STXBP5L: variants seen among roughly 807,000 people sequenced by gnomAD.
The protein encoded by STXBP5L is syntaxin-binding protein 5-like.
A neutral mutation model predicts 144.5 loss-of-function variants in STXBP5L; 65 were observed. That is an observed-to-expected ratio of 0.45 (90% confidence interval 0.37 to 0.55). The LOEUF is 0.55. Among genes scored for constraint, STXBP5L ranks in the 20% least tolerant of loss-of-function variants. The pLI, the probability that STXBP5L is intolerant of heterozygous loss-of-function variation, is 0.00. For synonymous variants in STXBP5L, 505 were observed against 469.6 expected (o/e 1.08, Z -0.97); for missense variants, 1,298 against 1,405.5 (o/e 0.92, Z 1.22).
intron 20 of STXBP5L, among the ~76,000 whole-genome samples, chr3:121,335,268 A>G (rs529186028): frequency 1.3e-5 from 2 of 152,254 alleles, no homozygotes; most frequent in East Asian, 1.9e-4. Flanking sequence ...AAAGATCTCT[A>G]CAATGAAATT....
rs182345874 is a variant in STXBP5L at position 121,311,198 on chromosome 3, A to T, written c.2111-7277A>T. Among the ~76,000 whole-genome samples the T allele has an allele frequency of 5.9e-5, 9 of 152,312 alleles. No individual in the cohort carries two copies. In the East Asian group the frequency reaches 1.7e-3, roughly 29 times the overall value. The stretch of plus-strand genomic sequence containing the variant: ...TACTACTATGACCAGAAGGACTAAG[A>T]TTTTAAGAGACTATTACCTAGTGTT... On this transcript the variant is annotated intron_variant, in intron 19 of 26. Coordinates refer to ENST00000471454, the MANE Select transcript of STXBP5L (RefSeq NM_001308330.2).
At chr3:121,141,875 C>T (rs2045522235) in intron 7 of STXBP5L, among the ~76,000 whole-genome samples, 1 of 151,920 alleles carries the variant, frequency 6.6e-6, no homozygotes, top group African/African-American at 2.4e-5. Flanking sequence ...CAGAAAACAA[C>T]TAACAAAATG....
In STXBP5L at chr3:121,420,414, A is replaced by T. The variant is rs1200467951; in HGVS notation, c.*1317A>T. 22 of 152,158 alleles carry T rather than the reference A, an allele frequency of 1.4e-4. No homozygotes were observed. The allele number at this position is 152,158 out of a possible 1,614,324, so 9.4% of individuals were successfully genotyped here. On this transcript the variant is annotated 3_prime_UTR_variant, in exon 27 of 27. Coordinates refer to ENST00000471454, the MANE Select transcript of STXBP5L (RefSeq NM_001308330.2). ...AATGCTTTTGTCCCTAGGTCAAATA[A>T]TATAAGCCACTAGATTATGTCAATA...
chr3:121,026,288 G>T (rs1370783553), intron 3 of STXBP5L, among the ~76,000 whole-genome samples: 1 of 151,692 alleles, frequency 6.6e-6, no homozygotes, highest in African/African-American at 2.4e-5. Flanking sequence ...AGATCACCTG[G>T]ATTATTGCCT....
rs546388947 is a variant in STXBP5L, at chr3:121,029,846, C to A, written c.288-11854C>A. ...AAACAAATTTACAAGAAAAAAAAAA[C>A]CCCATGAAAAAGTGGGCAAAGGATA... On this transcript the variant is annotated intron_variant, in intron 3 of 26. Coordinates refer to ENST00000471454, the MANE Select transcript of STXBP5L (RefSeq NM_001308330.2). Among the ~76,000 whole-genome samples the A allele has an allele frequency of 4.1e-4, 62 of 150,678 alleles. No individual in the cohort carries two copies. In the East Asian group the frequency reaches 4.7e-3, roughly 11 times the overall value.
At chr3:120,998,090 A>T (rs1384454439) in intron 3 of STXBP5L, among the ~76,000 whole-genome samples, 1 of 152,178 alleles carries the variant, frequency 6.6e-6, no homozygotes, top group East Asian at 1.9e-4. Flanking sequence ...CTTCAAAATA[A>T]TTAGTGCCGT....
chr3:121,282,441 A>AC, intron 19 of STXBP5L: 1 of 1,045,916 alleles, frequency 9.6e-7, no homozygotes, highest in Non-Finnish European at 1.4e-6. Context: ...CACATTCAGC[A>AC]TGCATGCAAA....
chr3:120,966,918 A>G (rs545928885), intron 3 of STXBP5L, among the ~76,000 whole-genome samples: 166 of 152,262 alleles, frequency 1.1e-3, no homozygotes, highest in Non-Finnish European at 1.2e-3. Context: ...TGGATTCTAG[A>G]GGCAGTAGAG....
intron 3 of STXBP5L, among the ~76,000 whole-genome samples, chr3:120,995,305 G>T (rs1168435388): frequency 3.3e-5 from 5 of 151,932 alleles, no homozygotes; most frequent in African/African-American, 1.2e-4. Context: ...GTTCCACCAT[G>T]CCTGGCTAAT....
In STXBP5L at chr3:120,909,777, G is replaced by A. The variant is rs568561163; in HGVS notation, c.189+10G>A. The A allele has an allele frequency of 2.0e-5, 32 of 1,608,874 alleles. No homozygotes were observed. The South Asian group carries it at 3.4e-4, about 17-fold the overall frequency. ...TTTCCAGATTTGCAAGGTAAGTTTT[G>A]AATTGGCTTAAAGCCTATTATTTCT... On this transcript the variant is annotated intron_variant, in intron 2 of 26. Coordinates refer to ENST00000471454, the MANE Select transcript of STXBP5L (RefSeq NM_001308330.2).
intron 9 of STXBP5L, among the ~76,000 whole-genome samples, chr3:121,162,597 G>A (rs551782631): frequency 6.6e-6 from 1 of 152,304 alleles, no homozygotes; most frequent in Admixed American, 6.5e-5. Flanking sequence ...AAGAGCTTCT[G>A]CAAAGCAAAA....
Position 121,414,119 on chromosome 3 carries a change from A to G in STXBP5L, c.3114+796A>G, listed in dbSNP as rs138632620. 2.0e-5 allele frequency among the ~76,000 whole-genome samples: 3 copies of G among 149,702 alleles called. No homozygotes were observed. The East Asian group carries it at 6.0e-4, about 30-fold the overall frequency. The stretch of plus-strand genomic sequence containing the variant: ...TTTTAAATAAATAATAATAAATATT[A>G]CTATCATCACCATTGTCATTCTACA... On this transcript the variant is annotated intron_variant, in intron 24 of 26. Coordinates refer to ENST00000471454, the MANE Select transcript of STXBP5L (RefSeq NM_001308330.2).
Position 121,422,554 on chromosome 3 carries a change from C to T in STXBP5L, c.*3457C>T, listed in dbSNP as rs1287217992. 2.0e-5 allele frequency: 3 copies of T among 152,122 alleles called. No homozygotes were observed. The allele number at this position is 152,122 out of a possible 1,614,324, so 9.4% of individuals were successfully genotyped here. On this transcript the variant is annotated 3_prime_UTR_variant, in exon 27 of 27. Transcript: ENST00000471454. ...GTTTGGAGGGAGGAATGATTGATTC[C>T]TCATTTGTTTTAATCACCTACAAAA...
chr3:121,010,601 A>C (rs139652523), intron 3 of STXBP5L, among the ~76,000 whole-genome samples: 1 of 151,708 alleles, frequency 6.6e-6, no homozygotes, highest in African/African-American at 2.4e-5. Context: ...CACCGTCAAA[A>C]GCCTGTGTAC....
chr3:121,032,663 A>G (rs1353136004), intron 3 of STXBP5L, among the ~76,000 whole-genome samples: 2 of 121,728 alleles, frequency 1.6e-5, no homozygotes, highest in Non-Finnish European at 3.4e-5. Flanking sequence ...AATTTTCGCA[A>G]CCTACTCATC....
At chr3:121,058,048 A>G (rs572921136) in intron 5 of STXBP5L, among the ~76,000 whole-genome samples, 3 of 152,276 alleles carry the variant, frequency 2.0e-5, no homozygotes, top group Non-Finnish European at 2.9e-5. Context: ...ACATAGGTAT[A>G]CAAGTGCCAT....
At chr3:121,329,708 A>G (rs934391211) in intron 20 of STXBP5L, among the ~76,000 whole-genome samples, 3 of 152,112 alleles carry the variant, frequency 2.0e-5, no homozygotes, top group Non-Finnish European at 2.9e-5. Context: ...TAAAAACACA[A>G]AAATTAGCCA....
chr3:121,308,505 A>T (rs577927352), intron 19 of STXBP5L, among the ~76,000 whole-genome samples: 1 of 152,244 alleles, frequency 6.6e-6, no homozygotes, highest in African/African-American at 2.4e-5. Flanking sequence ...GTATAAATGC[A>T]TATTTCTTCT....
chr3:121,076,724 G>A (rs1490638142), intron 5 of STXBP5L, among the ~76,000 whole-genome samples: 1 of 152,184 alleles, frequency 6.6e-6, no homozygotes, highest in Non-Finnish European at 1.5e-5. Context: ...TTTCTGTGGA[G>A]TTAGGTTAAC....
Sources: gnomAD v4.1 joint callset for allele counts (sites outside exome capture counted in the v4.1 genomes callset) on GRCh38, gnomAD v4.1.1 for gene constraint, MANE v1.5 for transcripts, NCBI Gene and HGNC (gene_info 2026-07-23, HGNC 2026-07-21) for gene names.